ZNF260: variants seen among roughly 807,000 people sequenced by gnomAD.
ZNF260 encodes the protein zfp-260.
Under a neutral mutation model 29.3 loss-of-function variants are expected in ZNF260, and 21 were observed. The ratio of observed to expected loss-of-function variants is 0.72; its 90% CI spans 0.51 to 1.03. The LOEUF (loss-of-function observed/expected upper bound fraction) is 1.03. Ranked by LOEUF, ZNF260 falls within the 50% of genes least tolerant of loss-of-function variation. ZNF260 has a pLI of 0.00. For synonymous variants in ZNF260, 156 were observed against 156.8 expected, an observed-to-expected ratio of 0.99 and a Z score of 0.04; for missense variants, 465 against 487.8, an observed-to-expected ratio of 0.95 and a Z score of 0.44.
chr19:36,520,607 C>T (rs2034627346), intron 2 of ZNF260, among the ~76,000 whole-genome samples: 1 of 152,074 alleles, frequency 6.6e-6, no homozygotes, highest in Admixed American at 6.6e-5. Flanking sequence ...AAGACCAGCA[C>T]TTTGGGAGGC....
chr19:36,527,374 A>C (rs1002231970), intron 1 of ZNF260, among the ~76,000 whole-genome samples: 1 of 152,218 alleles, frequency 6.6e-6, no homozygotes, highest in Non-Finnish European at 1.5e-5. Flanking sequence ...GTGTGACAAG[A>C]TACTTGAATA....
At position 36,514,175 on chromosome 19, in the gene ZNF260, G is replaced by A; in HGVS notation, c.1064C>T (p.Thr355Ile). The A allele has an allele frequency of 6.2e-7, 1 of 1,614,086 alleles. No individual in the cohort carries two copies. The highest frequency in any genetic ancestry group is 8.5e-7 in the Non-Finnish European group (1 of 1,179,980). ...SSLTVHMRSH[T>I]GEKPYGCNEC... ...ATTACAACCATAGGGTTTCTCACCTGTATGGCTTCTCATATGCACAGTAAG... is the reference window on the plus strand; with the variant it reads ...ATTACAACCATAGGGTTTCTCACCTATATGGCTTCTCATATGCACAGTAAG... Residue 355 changes from threonine to isoleucine, a missense_variant, in exon 3 of 3, where the codon ACA (threonine) becomes ATA (isoleucine). Physicochemically the swap from Thr to Ile is moderately conservative, Grantham distance 89. Transcript: ENST00000523638.
chr19:36,512,488 G>C lies in ZNF260; in HGVS notation c.*1512C>G, dbSNP rs1188556577. ...AATTGAAGTATCCTTTAACTACCAT[G>C]CTTGGTAACATTTCCCTTCCACCTC... is the stretch of plus-strand genomic sequence containing the variant. On this transcript the variant is annotated 3_prime_UTR_variant, in exon 3 of 3. Transcript: ENST00000523638. 6.6e-6 allele frequency: 1 copy of C among 152,030 alleles called. No individual in the cohort carries two copies. Among genetic ancestry groups the C allele is most frequent in the Non-Finnish European group, 1.5e-5 (1 of 67,984 alleles). The allele number at this position is 152,030 out of a possible 1,614,324, so 9.4% of individuals were successfully genotyped here. A position where few individuals can be genotyped will look rare whatever the true frequency, so the allele number is the denominator to read the frequency against.
chr19:36,521,392 T>TA (rs2034643105), intron 2 of ZNF260, among the ~76,000 whole-genome samples: 1 of 152,246 alleles, frequency 6.6e-6, no homozygotes, highest in Non-Finnish European at 1.5e-5. Context: ...AATGCTGAAC[T>TA]GAACTAGAAA....
rs2034473920 is a variant in ZNF260 at position 36,512,852 on chromosome 19, G to A, written c.*1148C>T. Reference sequence around the variant, plus strand: ...TGGCTACTATAACTCATGGTGCAATGAACTATACAGCTATAGACCAGTACA... The same window carrying A: ...TGGCTACTATAACTCATGGTGCAATAAACTATACAGCTATAGACCAGTACA... On this transcript the variant is annotated 3_prime_UTR_variant, in exon 3 of 3. Transcript: ENST00000523638. 1 of 152,078 alleles carries A rather than the reference G, an allele frequency of 6.6e-6. No individual in the cohort carries two copies. Among genetic ancestry groups the A allele is most frequent in the Non-Finnish European group, 1.5e-5 (1 of 68,000 alleles). 9.4% of individuals were successfully genotyped at this position (152,078 alleles called of 1,614,324 possible).
In ZNF260 at chr19:36,513,908, T is replaced by G. The variant is rs1490710346; in HGVS notation, c.*92A>C. 3 of 1,380,136 alleles carry G rather than the reference T, an allele frequency of 2.2e-6. No individual in the cohort carries two copies. In the East Asian group the frequency reaches 6.9e-5, roughly 32 times the overall value. The allele number at this position is 1,380,136 out of a possible 1,614,324, so 85.5% of individuals were successfully genotyped here. ...GCTGCTGAAGGACTTCCCACATTCA[T>G]GTCACTTTAATGTAAAATGAATTTT... On this transcript the variant is annotated 3_prime_UTR_variant, in exon 3 of 3. Coordinates refer to ENST00000523638, the MANE Select transcript of ZNF260 (RefSeq NM_001166037.2).
At chr19:36,521,657 G>T (rs1234517489) in intron 2 of ZNF260, among the ~76,000 whole-genome samples, 2 of 152,116 alleles carry the variant, frequency 1.3e-5, no homozygotes, top group East Asian at 1.9e-4. Flanking sequence ...AGGAGGCTGA[G>T]GCAAAAGAAT....
chr19:36,514,514 T>C lies in ZNF260; in HGVS notation c.725A>G (p.His242Arg). 1 of 1,614,154 alleles carries C rather than the reference T, an allele frequency of 6.2e-7. No homozygotes were observed. Among genetic ancestry groups the C allele is most frequent in the South Asian group, 1.1e-5 (1 of 91,084 alleles). The change falls in exon 3 of 3, where the codon CAC becomes CGC. Residue 242 changes from histidine (H) to arginine (R), a missense_variant. Transcript: ENST00000523638. Reference sequence around the variant, plus strand: ...ACACGTATAAGGTTTCTCTCCTGTGTGACTTCTCTGGTGTCTAATGAGGCT... The same window carrying C: ...ACACGTATAAGGTTTCTCTCCTGTGCGACTTCTCTGGTGTCTAATGAGGCT... ...KSSLIRHQRSHTGEKPYTCKE... is the reference protein window; with the variant it reads ...KSSLIRHQRSRTGEKPYTCKE...
At chr19:36,524,517 G>GTTTTTTTTTTTTTTTTTTT (rs61184857) in intron 2 of ZNF260, among the ~76,000 whole-genome samples, 2,720 of 90,102 alleles carry the variant, frequency 0.03, 435 homozygotes, top group Non-Finnish European at 0.043. Context: ...TTACATGCTA[G>GTTTTTTTTTTTTTTTTTTT]TTTTTTTTTT....
At position 36,522,586 on chromosome 19, in the gene ZNF260, A is replaced by G. The variant is rs536859169; in HGVS notation, c.-462+2569T>C. On this transcript the variant is annotated intron_variant, in intron 2 of 2. Transcript: ENST00000523638. ...CTACTTTCACAGTATAATGCTTGAG[A>G]TAAGTAGCTGCAATGGAGACCCTGT... Among the ~76,000 whole-genome samples, 4 of 152,306 alleles carry G rather than the reference A, an allele frequency of 2.6e-5. No homozygotes were observed. The East Asian group carries it at 7.7e-4, about 29-fold the overall frequency.
chr19:36,515,280 G>C lies in ZNF260; in HGVS notation c.-42C>G. Reference sequence around the variant, plus strand: ...AGGAGATTTCCCTAGTATCAAATAAGATGTAATAAGGATGAAAGCTTTCCC... The same window carrying C: ...AGGAGATTTCCCTAGTATCAAATAACATGTAATAAGGATGAAAGCTTTCCC... On this transcript the variant is annotated 5_prime_UTR_variant, in exon 3 of 3. In the 5' UTR this introduces an upstream ATG that the reference lacks. Transcript: ENST00000523638. 2 of 1,476,432 alleles carry C rather than the reference G, an allele frequency of 1.4e-6. No individual in the cohort carries two copies. Among genetic ancestry groups the C allele is most frequent in the Non-Finnish European group, 1.8e-6 (2 of 1,110,398 alleles). 91.5% of individuals were successfully genotyped at this position (1,476,432 alleles called of 1,614,324 possible). A position where few individuals can be genotyped will look rare whatever the true frequency, so the allele number is the denominator to read the frequency against.
intron 2 of ZNF260, among the ~76,000 whole-genome samples, chr19:36,521,155 G>T (rs1015505814): frequency 2.6e-5 from 4 of 151,626 alleles, no homozygotes; most frequent in Admixed American, 6.6e-5. Flanking sequence ...GGATGGCTTA[G>T]CATGTGAATT....
At chr19:36,527,832 AT>A (rs1281812291) in intron 1 of ZNF260, among the ~76,000 whole-genome samples, 1 of 152,112 alleles carries the variant, frequency 6.6e-6, no homozygotes, top group Non-Finnish European at 1.5e-5. Context: ...CACCTTTAAA[AT>A]TACTTATCCG....
At chr19:36,521,380 A>T (rs188204381) in intron 2 of ZNF260, among the ~76,000 whole-genome samples, 1 of 152,352 alleles carries the variant, frequency 6.6e-6, no homozygotes, top group Admixed American at 6.5e-5. Flanking sequence ...ACTGTAAATG[A>T]CAATGCTGAA....
chr19:36,523,184 C>T (rs895112784), intron 2 of ZNF260, among the ~76,000 whole-genome samples: 3 of 152,192 alleles, frequency 2.0e-5, no homozygotes, highest in African/African-American at 7.2e-5. Context: ...TCAAACAATA[C>T]TTCTCTTTCA....
rs1272291067 is a variant in ZNF260, at chr19:36,525,296, C to A, written c.-603G>T. 6.6e-6 allele frequency: 1 copy of A among 152,174 alleles called. No individual in the cohort carries two copies. Among genetic ancestry groups the A allele is most frequent in the Non-Finnish European group, 1.5e-5 (1 of 68,036 alleles). The allele number at this position is 152,174 out of a possible 1,614,324, so 9.4% of individuals were successfully genotyped here. A position where few individuals can be genotyped will look rare whatever the true frequency, so the allele number is the denominator to read the frequency against. On this transcript the variant is annotated 5_prime_UTR_variant, in exon 2 of 3. Coordinates refer to ENST00000523638, the MANE Select transcript of ZNF260 (RefSeq NM_001166037.2). ...TGGATGTTATGGTTGGGGAACAAAG[C>A]AGCATCCCAAAATTCAGGGAGCGCC...
At chr19:36,519,102 C>CA (rs1467643921) in intron 2 of ZNF260, among the ~76,000 whole-genome samples, 1 of 151,606 alleles carries the variant, frequency 6.6e-6, no homozygotes, top group African/African-American at 2.4e-5. Context: ...AAAGACATAC[C>CA]ACATCAAAAA....
intron 2 of ZNF260, among the ~76,000 whole-genome samples, chr19:36,519,427 T>C (rs1351253506): frequency 2.0e-5 from 3 of 152,140 alleles, no homozygotes; most frequent in Non-Finnish European, 2.9e-5. Context: ...AGGGGAAGTA[T>C]GGGTATAACA....
rs199667757 is a variant in ZNF260 at position 36,525,793 on chromosome 19, G to GA, written c.-680-421dup. On this transcript the variant is annotated intron_variant, in intron 1 of 2. Transcript: ENST00000523638. ...CAGTGGAGACTCCATCTCAAGGAAG[G>GA]AAAAAAAAAAAAAAGCTCTAAACAT... is the stretch of plus-strand genomic sequence containing the variant. Among the ~76,000 whole-genome samples the GA allele has an allele frequency of 4.9e-3, 590 of 119,748 alleles. 5 individuals are homozygous for GA. Among genetic ancestry groups the GA allele is most frequent in the African/African-American group, 0.015 (473 of 32,374 alleles). 78.6% of individuals were successfully genotyped at this position (119,748 alleles called of 152,430 possible).
Sources: allele counts gnomAD v4.1 joint callset (sites outside exome capture counted in the v4.1 genomes callset), GRCh38; gene constraint gnomAD v4.1.1; transcripts MANE v1.5; gene names NCBI Gene and HGNC (gene_info 2026-07-23, HGNC 2026-07-21).